RALGAPA2: variants seen among roughly 807,000 people sequenced by gnomAD.
RALGAPA2 encodes ral GTPase-activating protein subunit alpha-2.
Under a neutral mutation model 230.4 loss-of-function variants are expected in RALGAPA2, and 139 were observed. The ratio of observed to expected loss-of-function variants is 0.60; its 90% confidence interval spans 0.53 to 0.69. The LOEUF (loss-of-function observed/expected upper bound fraction) is 0.69, where lower values mean the gene tolerates loss of function less well. Among genes scored for constraint, RALGAPA2 ranks in the 30% least tolerant of loss-of-function variants. The probability of loss-of-function intolerance (pLI) is 0.00; values close to 1 mark genes in which losing one functional copy is unlikely to be tolerated. For missense variants in RALGAPA2, 2,163 were observed against 2,276.0 expected, an observed-to-expected ratio of 0.95 and a Z score of 1.01; for synonymous variants, 847 against 837.8, an observed-to-expected ratio of 1.01 and a Z score of -0.19.
intron 10 of RALGAPA2, among the ~76,000 whole-genome samples, chr20:20,626,028 C>A (rs1199392352): frequency 6.6e-6 from 1 of 152,210 alleles, no homozygotes. Context: ...CATTTATTCC[C>A]AAGTCACTCA....
chr20:20,672,679 A>G (rs1384459577), intron 3 of RALGAPA2, among the ~76,000 whole-genome samples: 1 of 152,216 alleles, frequency 6.6e-6, no homozygotes, highest in Non-Finnish European at 1.5e-5. Flanking sequence ...AACAGAGAGG[A>G]TAGATCAACA....
chr20:20,445,054 T>C (rs749613997), intron 37 of RALGAPA2, among the ~76,000 whole-genome samples: 10 of 152,252 alleles, frequency 6.6e-5, no homozygotes, highest in Admixed American at 3.3e-4. Flanking sequence ...CGCTGGCATA[T>C]TGTCATAATT....
rs371397643 is a variant in RALGAPA2, at chr20:20,526,347, C to T, written c.3598G>A (p.Val1200Met). Residue 1200 changes from valine (V) to methionine (M), a missense_variant, in exon 28 of 40, where the codon GTG (valine) becomes ATG (methionine). Coordinates refer to ENST00000202677, the MANE Select transcript of RALGAPA2 (RefSeq NM_020343.4). ...GVTLKFPNKI[V>M]AQVACDVLQL... is the part of the protein sequence containing the mutation. The stretch of plus-strand genomic sequence containing the variant: ...AGGACATCGCAAGCTACCTGGGCCA[C>T]GATTTTGTTGGGAAACTATAAAAGG... 10 of 1,595,888 alleles carry T rather than the reference C, an allele frequency of 6.3e-6. No individual in the cohort carries two copies. Among genetic ancestry groups the T allele is most frequent in the Admixed American group, 1.8e-5 (1 of 55,534 alleles).
intron 37 of RALGAPA2, among the ~76,000 whole-genome samples, chr20:20,428,733 C>T (rs909114776): frequency 1.3e-5 from 2 of 150,278 alleles, no homozygotes; most frequent in African/African-American, 4.9e-5. Context: ...TTCACCCACC[C>T]ACCCATCCAT....
intron 24 of RALGAPA2, among the ~76,000 whole-genome samples, chr20:20,541,947 G>T (rs118026420): frequency 2.9e-4 from 44 of 152,094 alleles, no homozygotes; most frequent in Non-Finnish European, 5.1e-4. Context: ...AGAAATAAAG[G>T]GTATTCAAAT....
At chr20:20,470,049 A>AT (rs57914860) in intron 37 of RALGAPA2, among the ~76,000 whole-genome samples, 7 of 151,244 alleles carry the variant, frequency 4.6e-5, no homozygotes, top group East Asian at 1.9e-4. Flanking sequence ...CTGTGCTTAC[A>AT]TTTTTTTTTA....
At chr20:20,461,772 C>T (rs1182645754) in intron 37 of RALGAPA2, among the ~76,000 whole-genome samples, 2 of 152,236 alleles carry the variant, frequency 1.3e-5, no homozygotes, top group African/African-American at 2.4e-5. Context: ...AGCAAGCCTG[C>T]CCTACCCTTT....
chr20:20,711,820 G>A (rs546255837), intron 1 of RALGAPA2, among the ~76,000 whole-genome samples: 13 of 152,248 alleles, frequency 8.5e-5, no homozygotes, highest in Admixed American at 2.6e-4. Flanking sequence ...AAAGCAGCAT[G>A]GGAAGACAGA....
rs748426944 is a variant in RALGAPA2 at position 20,503,344 on chromosome 20, C to CCCTTA, written c.5208+2_5208+6dup. 1 of 1,566,488 alleles carries CCCTTA rather than the reference C, an allele frequency of 6.4e-7. No individual in the cohort carries two copies. On this transcript the variant is annotated splice_region_variant and intron_variant, in intron 35 of 39. Transcript: ENST00000202677. ...AGCTAAGAATGGTGCCCGAGGAGAC[C>CCCTTA]CCTTACCTTTTTGGTGAGGGAATCA...
chr20:20,543,195 C>T (rs1435885077), intron 24 of RALGAPA2, among the ~76,000 whole-genome samples: 1 of 152,122 alleles, frequency 6.6e-6, no homozygotes, highest in Non-Finnish European at 1.5e-5. Context: ...CAGGCATGTG[C>T]CACCACACCC....
At chr20:20,492,418 C>T (rs896464503) in intron 36 of RALGAPA2, among the ~76,000 whole-genome samples, 9 of 152,084 alleles carry the variant, frequency 5.9e-5, no homozygotes, top group East Asian at 1.9e-4. Flanking sequence ...CAAGCAGCTG[C>T]GTCATTACAA....
intron 37 of RALGAPA2, among the ~76,000 whole-genome samples, chr20:20,462,081 G>A (rs1180366140): frequency 6.6e-6 from 1 of 152,124 alleles, no homozygotes; most frequent in Non-Finnish European, 1.5e-5. Context: ...ATTGAAGACC[G>A]AAATAAAGCA....
At chr20:20,656,889 C>T (rs537031330) in intron 3 of RALGAPA2, among the ~76,000 whole-genome samples, 1 of 152,184 alleles carries the variant, frequency 6.6e-6, no homozygotes, top group East Asian at 1.9e-4. Flanking sequence ...GGCTGCCAGG[C>T]CAAATGAGCA....
intron 37 of RALGAPA2, chr20:20,471,197 G>T (rs1363499143): frequency 2.6e-5 from 4 of 152,100 alleles, no homozygotes; most frequent in Non-Finnish European, 5.9e-5. Context: ...TTTTCAAAGT[G>T]ATTCTGAATA....
At chr20:20,638,777 G>A (rs1241243148) in intron 7 of RALGAPA2, among the ~76,000 whole-genome samples, 1 of 152,180 alleles carries the variant, frequency 6.6e-6, no homozygotes, top group Non-Finnish European at 1.5e-5. Context: ...AGGTTCTCAG[G>A]ATTGTGAAGT....
intron 1 of RALGAPA2, among the ~76,000 whole-genome samples, chr20:20,681,149 C>A (rs935598178): frequency 4.6e-5 from 7 of 152,128 alleles, no homozygotes; most frequent in African/African-American, 1.7e-4. Context: ...AGTAGAGGTT[C>A]ATGGAGGAGG....
Position 20,617,008 on chromosome 20 carries a change from CA to C in RALGAPA2, c.1540-818del, listed in dbSNP as rs574427089. On this transcript the variant is annotated intron_variant, in intron 12 of 39. Coordinates refer to ENST00000202677, the MANE Select transcript of RALGAPA2 (RefSeq NM_020343.4). ...ATACTATTACTGCTTTGAGTCACTACAGCAAAATAACGGTGTGTTACCATTT... is the reference window on the plus strand; with the variant it reads ...ATACTATTACTGCTTTGAGTCACTACGCAAAATAACGGTGTGTTACCATTT... 1.7e-3 allele frequency among the ~76,000 whole-genome samples: 254 copies of C among 152,302 alleles called. 1 individual carries two copies. The highest frequency in any genetic ancestry group is 6.0e-3 in the South Asian group (29 of 4,830).
chr20:20,412,786 A>G (rs1175289544), intron 37 of RALGAPA2, among the ~76,000 whole-genome samples: 2 of 152,220 alleles, frequency 1.3e-5, no homozygotes, highest in East Asian at 3.8e-4. Flanking sequence ...TGCAGTCTGG[A>G]ACACACAGCA....
Position 20,503,493 on chromosome 20 carries a change from G to A in RALGAPA2, c.5066C>T (p.Thr1689Ile). Residue 1689 changes from threonine to isoleucine, a missense_variant, in exon 35 of 40, where the codon ACC (threonine) becomes ATC (isoleucine). Physicochemically the swap from Thr to Ile is moderately conservative, Grantham distance 89. Transcript: ENST00000202677. ...AAGGCCACCCATGAACCCACAGTGGGTGGAGAGATCCACCTGACAAAGGTC... is the reference window on the plus strand; with the variant it reads ...AAGGCCACCCATGAACCCACAGTGGATGGAGAGATCCACCTGACAAAGGTC... Reference protein sequence around the residue: ...AGLGWEVDLSTHCGFMGGLQR... With the variant: ...AGLGWEVDLSIHCGFMGGLQR... 2.5e-6 allele frequency: 4 copies of A among 1,572,214 alleles called. No individual in the cohort carries two copies. Among genetic ancestry groups the A allele is most frequent in the Non-Finnish European group, 3.4e-6 (4 of 1,160,764 alleles).
Sources: gnomAD v4.1 joint callset for allele counts (sites outside exome capture counted in the v4.1 genomes callset) on GRCh38, gnomAD v4.1.1 for gene constraint, MANE v1.5 for transcripts, NCBI Gene and HGNC (gene_info 2026-07-23, HGNC 2026-07-21) for gene names.